Variants in PLEKHA5 observed in about 807,000 individuals in gnomAD.
The protein encoded by PLEKHA5 is pleckstrin homology domain containing A5, also known as pleckstrin homology domain-containing family A member 5.
Under a neutral mutation model 181.9 loss-of-function variants are expected in PLEKHA5, and 55 were observed. That is an observed-to-expected ratio of 0.30 (90% CI 0.24 to 0.38). The LOEUF is 0.38. Among genes scored for constraint, PLEKHA5 ranks in the 10% least tolerant of loss-of-function variants. PLEKHA5 has a pLI of 1.00. For synonymous variants in PLEKHA5, 535 were observed against 529.4 expected (o/e 1.01, Z -0.15); for missense variants, 1,432 against 1,549.5 (o/e 0.92, Z 1.27).
chr12:19,228,719 C>G (rs1392884831), intron 3 of PLEKHA5, among the ~76,000 whole-genome samples: 3 of 152,170 alleles, frequency 2.0e-5, no homozygotes, highest in Non-Finnish European at 2.9e-5. Flanking sequence ...TATTTTACTT[C>G]TGTACTTATC....
intron 15 of PLEKHA5, among the ~76,000 whole-genome samples, chr12:19,297,323 T>TA (rs765630231): frequency 0.059 from 8,459 of 142,364 alleles, 378 homozygotes; most frequent in East Asian, 0.2. Context: ...ATAGTACAGT[T>TA]AAAAAAAAAA....
chr12:19,240,264 C>T (rs373726231), intron 3 of PLEKHA5, among the ~76,000 whole-genome samples: 2 of 152,128 alleles, frequency 1.3e-5, no homozygotes, highest in South Asian at 2.1e-4. Flanking sequence ...AATTGTGTGG[C>T]AATTTATGTA....
intron 15 of PLEKHA5, among the ~76,000 whole-genome samples, chr12:19,313,412 C>G (rs1012151349): frequency 2.0e-5 from 3 of 152,076 alleles, no homozygotes; most frequent in Admixed American, 6.6e-5. Context: ...TTCCAAATAC[C>G]TTTACATGTA....
intron 22 of PLEKHA5, among the ~76,000 whole-genome samples, chr12:19,345,440 A>T (rs2094261061): frequency 6.6e-6 from 1 of 150,784 alleles, no homozygotes; most frequent in Admixed American, 6.6e-5. Context: ...AATAAAAATA[A>T]AAATAAATTT....
chr12:19,340,183 G>A (rs1294098754), intron 21 of PLEKHA5, among the ~76,000 whole-genome samples: 1 of 152,110 alleles, frequency 6.6e-6, no homozygotes, highest in Non-Finnish European at 1.5e-5. Context: ...TAACTATTTA[G>A]ATTTGCAAGG....
At position 19,267,327 on chromosome 12, in the gene PLEKHA5, G is replaced by C. The variant is rs141179450; in HGVS notation, c.711+1477G>C. On this transcript the variant is annotated intron_variant, in intron 8 of 31. Transcript: ENST00000429027. ...TCCCACCACTTGTAGAGAATACTGA[G>C]GACTGCAGCTGATTTATAACTTTTG... is the stretch of plus-strand genomic sequence containing the variant. 3.4e-4 allele frequency among the ~76,000 whole-genome samples: 52 copies of C among 152,210 alleles called. No individual in the cohort carries two copies. In the East Asian group the frequency reaches 9.5e-3, roughly 28 times the overall value.
At chr12:19,162,839 G>C (rs2043290434) in intron 3 of PLEKHA5, among the ~76,000 whole-genome samples, 1 of 152,112 alleles carries the variant, frequency 6.6e-6, no homozygotes, top group Non-Finnish European at 1.5e-5. Flanking sequence ...CGGTGATGGT[G>C]GTGGTAGAAA....
In PLEKHA5 at chr12:19,369,698, A is replaced by G. The variant is rs2153311509; in HGVS notation, c.3760A>G (p.Ser1254Gly). Reference sequence around the variant, plus strand: ...ATTTTCTTTGTGTGTTTTAGTGAAAAGTCTGTCCCCATCTCCTGAGTCCTC... The same window carrying G: ...ATTTTCTTTGTGTGTTTTAGTGAAAGGTCTGTCCCCATCTCCTGAGTCCTC... ...SRGNQTMAVK[S>G]LSPSPESSAS... is the part of the protein sequence containing the mutation. Residue 1254 changes from serine to glycine, a missense_variant, in exon 31 of 32, where the codon AGT becomes GGT. Around this residue, in one of 2 missense-constraint regions of PLEKHA5, gnomAD observed 1,143 missense variants for 1,168.4 expected, o/e 0.98. Transcript: ENST00000429027. 1 of 1,602,800 alleles carries G rather than the reference A, an allele frequency of 6.2e-7. No homozygotes were observed. The highest frequency in any genetic ancestry group is 1.1e-5 in the South Asian group (1 of 89,548).
At chr12:19,326,921 G>T (rs1430328017) in intron 20 of PLEKHA5, among the ~76,000 whole-genome samples, 1 of 152,184 alleles carries the variant, frequency 6.6e-6, no homozygotes, top group Non-Finnish European at 1.5e-5. Context: ...TGGTTGTGTA[G>T]TACCGTGGTA....
At chr12:19,220,110 C>T (rs1323462412) in intron 3 of PLEKHA5, among the ~76,000 whole-genome samples, 1 of 151,520 alleles carries the variant, frequency 6.6e-6, no homozygotes, top group Non-Finnish European at 1.5e-5. Flanking sequence ...GAAACTGCTC[C>T]CATCCCCACC....
chr12:19,244,673 C>T (rs1164089009), intron 3 of PLEKHA5, among the ~76,000 whole-genome samples: 1 of 152,132 alleles, frequency 6.6e-6, no homozygotes, highest in Non-Finnish European at 1.5e-5. Context: ...TAAATGGGTA[C>T]ACATGTGAGT....
chr12:19,191,250 A>G (rs1023167625), intron 3 of PLEKHA5, among the ~76,000 whole-genome samples: 3 of 152,212 alleles, frequency 2.0e-5, no homozygotes, highest in Non-Finnish European at 4.4e-5. Context: ...GTGCCCTGTG[A>G]AACAGTGAGA....
chr12:19,266,661 G>A (rs1249351864), intron 8 of PLEKHA5, among the ~76,000 whole-genome samples: 1 of 151,924 alleles, frequency 6.6e-6, no homozygotes, highest in Non-Finnish European at 1.5e-5. Context: ...GTGTGTGCCT[G>A]TAGTCCCAGC....
intron 3 of PLEKHA5, among the ~76,000 whole-genome samples, chr12:19,174,584 A>G (rs1317494592): frequency 1.3e-5 from 2 of 152,182 alleles, no homozygotes; most frequent in Admixed American, 6.5e-5. Flanking sequence ...ACTTGGAAGC[A>G]GGCGTAGGGA....
At chr12:19,228,934 GT>G (rs1424457178) in intron 3 of PLEKHA5, among the ~76,000 whole-genome samples, 1 of 152,052 alleles carries the variant, frequency 6.6e-6, no homozygotes, top group Non-Finnish European at 1.5e-5. Context: ...AGCAGTATGT[GT>G]AACATTTTCA....
At chr12:19,216,274 C>A (rs766163269) in intron 3 of PLEKHA5, among the ~76,000 whole-genome samples, 43 of 152,218 alleles carry the variant, frequency 2.8e-4, no homozygotes, top group Middle Eastern at 6.8e-3. Context: ...TTTATTACAG[C>A]TGTCTTTGGA....
At chr12:19,294,884 G>A (rs1260948078) in intron 15 of PLEKHA5, among the ~76,000 whole-genome samples, 1 of 152,116 alleles carries the variant, frequency 6.6e-6, no homozygotes, top group Non-Finnish European at 1.5e-5. Context: ...CACTGTCACC[G>A]TTTATGAGGA....
chr12:19,251,887 TC>T (rs1209817220), intron 3 of PLEKHA5, among the ~76,000 whole-genome samples: 2 of 152,138 alleles, frequency 1.3e-5, no homozygotes, highest in African/African-American at 4.8e-5. Context: ...TCCCTGCCCT[TC>T]CTGTGGTCCT....
At chr12:19,239,917 A>T (rs2062158947) in intron 3 of PLEKHA5, among the ~76,000 whole-genome samples, 1 of 152,136 alleles carries the variant, frequency 6.6e-6, no homozygotes, top group Admixed American at 6.6e-5. Context: ...ATTTATTTGT[A>T]TTTGTGATAT....
Sources: allele counts gnomAD v4.1 joint callset (sites outside exome capture counted in the v4.1 genomes callset), GRCh38; gene constraint gnomAD v4.1.1; regional missense constraint gnomAD v4.1.1; transcripts MANE v1.5; gene names NCBI Gene and HGNC (gene_info 2026-07-23, HGNC 2026-07-21).